The following HMX1 variants were observed in gnomAD, a reference collection of about 807,000 sequenced individuals.
HMX1 encodes H6 family homeobox 1, also known as homeobox protein HMX1.
HMX1 carries 8 observed loss-of-function variants against 8.9 expected under a neutral mutation model. That is an observed-to-expected ratio of 0.90 (90% CI 0.53 to 1.63). HMX1 has a LOEUF of 1.63. Among genes scored for constraint, HMX1 ranks in the 40% most tolerant of loss-of-function variants. The probability of loss-of-function intolerance (pLI) is 0.00; values close to 1 mark genes in which losing one functional copy is unlikely to be tolerated. For synonymous variants in HMX1, 311 were observed against 283.4 expected, an observed-to-expected ratio of 1.10 and a Z score of -0.98; for missense variants, 621 against 558.5, an observed-to-expected ratio of 1.11 and a Z score of -1.13.
chr4:8,862,032 G>C, intron 1 of HMX1, among the ~76,000 whole-genome samples: 1 of 152,212 alleles, frequency 6.6e-6, no homozygotes, highest in Non-Finnish European at 1.5e-5. Context: ...ATATGTCCTC[G>C]ACGCGGTCTG....
chr4:8,867,405 C>CG lies in HMX1; in HGVS notation c.*287dup, dbSNP rs994484305. On this transcript the variant is annotated 3_prime_UTR_variant, in exon 2 of 2. Coordinates refer to ENST00000400677, the MANE Select transcript of HMX1 (RefSeq NM_018942.3). Reference sequence around the variant, plus strand: ...ATGGCCGACCGCTCCTCGCTGAGGCCGGGGGGTGGCCGTGGCGCCGGGGGC... The same window carrying CG: ...ATGGCCGACCGCTCCTCGCTGAGGCCGGGGGGGTGGCCGTGGCGCCGGGGGC... The CG allele has an allele frequency of 2.0e-5, 21 of 1,076,364 alleles. No individual in the cohort carries two copies. The highest frequency in any genetic ancestry group is 4.1e-4 in the Middle Eastern group (1 of 2,438). 66.7% of individuals were successfully genotyped at this position (1,076,364 alleles called of 1,614,324 possible).
intron 1 of HMX1, among the ~76,000 whole-genome samples, chr4:8,869,025 C>T (rs1384522877): frequency 6.6e-6 from 1 of 152,212 alleles, no homozygotes; most frequent in African/African-American, 2.4e-5. Context: ...GACCCAGTGT[C>T]CACAAGGCAA....
At chr4:8,866,501 C>G (rs4245954), downstream of HMX1, among the ~76,000 whole-genome samples, 2 of 152,138 alleles carry the variant, frequency 1.3e-5, no homozygotes, top group African/African-American at 2.4e-5. Flanking sequence ...AATAGGGGAA[C>G]GAGCTCTCCT....
chr4:8,846,433 G>A (rs1178170124), intron 1 of HMX1: 9 of 806,718 alleles, frequency 1.1e-5, no homozygotes, highest in Non-Finnish European at 1.7e-5. Flanking sequence ...CCCAAACCTG[G>A]CTCACAGAGT....
chr4:8,855,138 C>T (rs1454353145), intron 1 of HMX1, among the ~76,000 whole-genome samples: 12 of 152,254 alleles, frequency 7.9e-5, no homozygotes, highest in Non-Finnish European at 1.5e-4. Context: ...GTGGACTCCA[C>T]GCAGATGAGC....
rs557579531 is a variant in HMX1, at chr4:8,852,585, CCT to C, written c.395-6263_395-6262del. ...TGTGGGGAACTGGACGCATCCCACC[CCT>C]GTGTCTGAGCTCACGGGAGTCAGCC... On this transcript the variant is annotated intron_variant, in intron 1 of 1. Transcript: ENST00000506970. Among the ~76,000 whole-genome samples, 473 of 152,312 alleles carry C rather than the reference CCT, an allele frequency of 3.1e-3. 1 individual carries two copies. The highest frequency in any genetic ancestry group is 0.011 in the African/African-American group (446 of 41,562).
downstream of HMX1, among the ~76,000 whole-genome samples, chr4:8,865,832 G>GCCA (rs1327672746): frequency 3.9e-5 from 6 of 152,212 alleles, no homozygotes; most frequent in Non-Finnish European, 8.8e-5. Flanking sequence ...TCCTGGTTTA[G>GCCA]CCAGGAAAGC....
Position 8,871,625 on chromosome 4 carries a change from G to T in HMX1, c.-11C>A. The T allele has an allele frequency of 3.2e-6, 4 of 1,260,132 alleles. No individual in the cohort carries two copies. The highest frequency in any genetic ancestry group is 4.0e-6 in the Non-Finnish European group (4 of 1,004,174). The allele number at this position is 1,260,132 out of a possible 1,614,324, so 78.1% of individuals were successfully genotyped here. On this transcript the variant is annotated 5_prime_UTR_variant, in exon 1 of 2. Transcript: ENST00000400677. The surrounding 1 kb of genome is among the most constrained non-coding windows in gnomAD (Gnocchi z 4.8). ...CAGCTCGTCAGGCATCGCGGCCGCG[G>T]GCTTCTCGGGCTCGGCCGGGCTCCT...
rs1361311604 is a variant in HMX1 at position 8,848,661 on chromosome 4, C to T, written c.395-2337G>A. On this transcript the variant is annotated intron_variant, in intron 1 of 1. Transcript: ENST00000506970. The surrounding 1 kb of genome is among the most constrained non-coding windows in gnomAD (Gnocchi z 4.1). The stretch of plus-strand genomic sequence containing the variant: ...ACCAACCTAAACCAGGCTCCCCCAT[C>T]CCCCTTTTTTCAGATATGCCTTGCA... 6.6e-6 allele frequency among the ~76,000 whole-genome samples: 1 copy of T among 152,166 alleles called. No homozygotes were observed. Among genetic ancestry groups the T allele is most frequent in the Admixed American group, 6.5e-5 (1 of 15,272 alleles).
At chr4:8,866,541 G>C (rs1722002199), downstream of HMX1, among the ~76,000 whole-genome samples, 1 of 152,244 alleles carries the variant, frequency 6.6e-6, no homozygotes, top group Non-Finnish European at 1.5e-5. Context: ...GCCGTGAACA[G>C]CTTTGTCCAC....
Position 8,847,706 on chromosome 4 carries a change from C to T in HMX1, c.395-1382G>A, listed in dbSNP as rs966941730. On this transcript the variant is annotated intron_variant, in intron 1 of 1. Transcript: ENST00000506970. The surrounding 1 kb of genome is among the most constrained non-coding windows in gnomAD (Gnocchi z 6.0). ...TTTGAACCTGGAGCTGTGGTCTTTC[C>T]AGTATATGAGGCCTGCCTTGACTAT... Among the ~76,000 whole-genome samples the T allele has an allele frequency of 6.6e-6, 1 of 152,200 alleles. No homozygotes were observed. Among genetic ancestry groups the T allele is most frequent in the Non-Finnish European group, 1.5e-5 (1 of 68,044 alleles).
rs887497383 is a variant in HMX1, at chr4:8,849,504, C to T, written c.395-3180G>A. 1.3e-5 allele frequency among the ~76,000 whole-genome samples: 2 copies of T among 152,118 alleles called. No homozygotes were observed. Among genetic ancestry groups the T allele is most frequent in the African/African-American group, 4.8e-5 (2 of 41,434 alleles). ...CTCCTCTAGAGCCTCTGGAGGGGCA[C>T]AGCCCGACCGACGCCTGGGGCTCAG... On this transcript the variant is annotated intron_variant, in intron 1 of 1. Coordinates refer to the HMX1 transcript ENST00000506970. This position sits in a 1 kb window ranked among gnomAD's most constrained non-coding sequence, Gnocchi z 6.6.
downstream of HMX1, among the ~76,000 whole-genome samples, chr4:8,864,755 G>GT (rs1487110184): frequency 2.0e-5 from 3 of 152,316 alleles, no homozygotes. Context: ...CTTGGGATCT[G>GT]TTTTCTCTCT....
intron 1 of HMX1, chr4:8,859,077 C>T (rs1170046246): frequency 6.6e-6 from 1 of 152,364 alleles, no homozygotes; most frequent in Non-Finnish European, 1.5e-5. Flanking sequence ...TCTGCCTCTC[C>T]TGGGGCCACA....
chr4:8,851,336 G>A (rs185935675), intron 1 of HMX1, among the ~76,000 whole-genome samples: 192 of 152,294 alleles, frequency 1.3e-3, no homozygotes, highest in Non-Finnish European at 2.2e-3. Flanking sequence ...TCCAGCTTGG[G>A]AGAGACCCAG....
At chr4:8,846,176 C>T (rs1485430902) in exon 2 of HMX1, 1 of 1,252,700 alleles carries the variant, frequency 8.0e-7, no homozygotes, top group South Asian at 1.3e-5. Context: ...ACAAAGGCTC[C>T]ACCGTGTTGT....
chr4:8,859,194 C>G (rs1029602973), intron 1 of HMX1: 1 of 152,072 alleles, frequency 6.6e-6, no homozygotes, highest in Non-Finnish European at 1.5e-5. Context: ...GGCTGGCCCC[C>G]CCCCACGCCT....
At chr4:8,857,395 G>A (rs1258888969) in intron 1 of HMX1, among the ~76,000 whole-genome samples, 2 of 152,298 alleles carry the variant, frequency 1.3e-5, no homozygotes, top group East Asian at 3.9e-4. Flanking sequence ...TAGGAGGCAG[G>A]AGGCGGGGTC....
rs1384602831 is a variant in HMX1, at chr4:8,871,597, C to A, written c.18G>T (p.Thr6=). 8.3e-6 allele frequency: 11 copies of A among 1,321,454 alleles called. No individual in the cohort carries two copies. The highest frequency in any genetic ancestry group is 1.8e-5 in the South Asian group (1 of 55,070). 81.9% of individuals were successfully genotyped at this position (1,321,454 alleles called of 1,614,324 possible). The change falls in exon 1 of 2, where the codon ACG becomes ACT. Residue 6 remains threonine (T), a synonymous_variant. Transcript: ENST00000400677. This position sits in a 1 kb window ranked among gnomAD's most constrained non-coding sequence, Gnocchi z 4.8. Reference sequence around the variant, plus strand: ...GGGCCGGCGTGGCGCGCCCGGGCTCCGTCAGCTCGTCAGGCATCGCGGCCG... The same window carrying A: ...GGGCCGGCGTGGCGCGCCCGGGCTCAGTCAGCTCGTCAGGCATCGCGGCCG... MPDEL[T]EPGRATPARA...
Sources: allele counts gnomAD v4.1 joint callset (sites outside exome capture counted in the v4.1 genomes callset), GRCh38; gene constraint gnomAD v4.1.1; non-coding constraint Gnocchi (gnomAD v3.1); transcripts MANE v1.5; gene names NCBI Gene and HGNC (gene_info 2026-07-23, HGNC 2026-07-21).